Variants in CLDN19 observed in about 807,000 individuals in gnomAD.
CLDN19 encodes claudin 19, also known as claudin-19.
Under a neutral mutation model 24.5 loss-of-function variants are expected in CLDN19, and 19 were observed. That is an observed-to-expected ratio of 0.78 (90% CI 0.54 to 1.14). The LOEUF is 1.14. Ranked by LOEUF, CLDN19 falls within the 50% of genes most tolerant of loss-of-function variation. The pLI is 0.00. For synonymous variants in CLDN19, 117 were observed against 129.6 expected, an observed-to-expected ratio of 0.90 and a Z score of 0.66; for missense variants, 250 against 295.9, an observed-to-expected ratio of 0.84 and a Z score of 1.14.
intron 4 of CLDN19, chr1:42,735,416 GT>G: frequency 7.0e-7 from 1 of 1,421,834 alleles, no homozygotes; most frequent in South Asian, 1.5e-5. Context: ...CACTGCCCTT[GT>G]GGGGTTGCTG....
rs567823099 is a variant in CLDN19, at chr1:42,733,709, T to G, written c.*1377A>C. 27 of 152,434 alleles carry G rather than the reference T, an allele frequency of 1.8e-4. No homozygotes were observed. Among genetic ancestry groups the G allele is most frequent in the Middle Eastern group, 3.4e-3 (1 of 294 alleles). 9.4% of individuals were successfully genotyped at this position (152,434 alleles called of 1,614,324 possible). A position where few individuals can be genotyped will look rare whatever the true frequency, so the allele number is the denominator to read the frequency against. On this transcript the variant is annotated 3_prime_UTR_variant, in exon 5 of 5. Transcript: ENST00000296387. ...TATTTAGGGTCAGGTGGCCACATCC[T>G]CTGACCAGAGGCTGGACAAGTCCCT...
At chr1:42,737,597 G>A (rs1270349022) in intron 3 of CLDN19, among the ~76,000 whole-genome samples, 1 of 152,228 alleles carries the variant, frequency 6.6e-6, no homozygotes, top group East Asian at 1.9e-4. Flanking sequence ...TCAGGTTCTA[G>A]CTCCATTTCA....
chr1:42,735,482 G>A (rs1570442088), intron 4 of CLDN19: 6 of 1,412,172 alleles, frequency 4.2e-6, no homozygotes, highest in African/African-American at 1.4e-5. Flanking sequence ...CCAAGGACCT[G>A]GGTACTAAGG....
At chr1:42,735,754 C>A in intron 4 of CLDN19, 124 bp downstream of exon 4, 1 of 1,507,352 alleles carries the variant, frequency 6.6e-7, no homozygotes, top group South Asian at 1.2e-5. Flanking sequence ...ACAAGCTGCT[C>A]AGAGCACCTA....
In CLDN19 at chr1:42,735,944, G is replaced by C. The variant is rs531931336; in HGVS notation, c.560C>G (p.Pro187Arg). The C allele has an allele frequency of 1.9e-6, 3 of 1,577,854 alleles. No homozygotes were observed. Among genetic ancestry groups the C allele is most frequent in the Admixed American group, 1.9e-5 (1 of 53,950 alleles). Residue 187 changes from proline (P) to arginine (R), a missense_variant, in exon 4 of 5, where the codon CCG (proline) becomes CGG (arginine). Transcript: ENST00000296387. Reference protein sequence around the residue: ...LGGSFLCCTCPEPERPNSSPQ... With the variant: ...LGGSFLCCTCREPERPNSSPQ... ...GCTGCTGTTGGGTCTCTCTGGCTCC[G>C]GGCATGTGCAGCAGAGGAAGGAGCC...
intron 1 of CLDN19, 31 bp downstream of exon 1, chr1:42,739,810 C>T: frequency 6.3e-7 from 1 of 1,594,926 alleles, no homozygotes; most frequent in Non-Finnish European, 8.6e-7. Flanking sequence ...TTCCCACCTC[C>T]CATCTCCCAC....
At chr1:42,735,326 C>A in intron 4 of CLDN19, 192 bp from the exon 5 acceptor site, 7 of 1,471,084 alleles carry the variant, frequency 4.8e-6, no homozygotes, top group Non-Finnish European at 6.3e-6. Context: ...GTAGGTGGCC[C>A]CCAGCCCTGG....
chr1:42,735,206 G>A (rs1651319662), intron 4 of CLDN19, 72 bp from the exon 5 acceptor site: 1 of 1,602,742 alleles, frequency 6.2e-7, no homozygotes, highest in African/African-American at 1.3e-5. Flanking sequence ...TGTGCATTCA[G>A]GCCCGGACAT....
intron 3 of CLDN19, among the ~76,000 whole-genome samples, chr1:42,737,516 A>G (rs920961163): frequency 2.6e-5 from 4 of 152,214 alleles, no homozygotes; most frequent in African/African-American, 4.8e-5. Flanking sequence ...GGTACTGTCC[A>G]GGGCCCGGGC....
At chr1:42,739,770 G>C in intron 1 of CLDN19, 71 bp downstream of exon 1, 1 of 1,296,934 alleles carries the variant, frequency 7.7e-7, no homozygotes, top group Non-Finnish European at 1.1e-6. Flanking sequence ...AGCAGACTGT[G>C]AGGAAAACTT....
chr1:42,735,197 G>A (rs1651319288), intron 4 of CLDN19, 63 bp from the exon 5 acceptor site: 6 of 1,606,004 alleles, frequency 3.7e-6, no homozygotes, highest in African/African-American at 1.3e-5. Flanking sequence ...GGCAGGGGCT[G>A]TGCATTCAGG....
chr1:42,738,463 C>G lies in CLDN19; in HGVS notation c.346G>C (p.Gly116Arg). The change falls in exon 2 of 5, where the codon GGC becomes CGC. Residue 116 changes from glycine to arginine, a missense_variant. Gly to Arg is a moderately radical substitution (Grantham distance 125). Coordinates refer to ENST00000296387, the MANE Select transcript of CLDN19 (RefSeq NM_148960.3). The part of the protein sequence containing the change: ...RVGDSNPIAK[G>R]RVAIAGGALF... Reference sequence around the variant, plus strand: ...GCTCCCCCGGCGATGGCAACACGGCCCTTGGCAATGGGGTTGCTGTCTCCC... The same window carrying G: ...GCTCCCCCGGCGATGGCAACACGGCGCTTGGCAATGGGGTTGCTGTCTCCC... 6.2e-7 allele frequency: 1 copy of G among 1,614,038 alleles called. No homozygotes were observed. Among genetic ancestry groups the G allele is most frequent in the Non-Finnish European group, 8.5e-7 (1 of 1,180,036 alleles).
chr1:42,738,690 G>C, intron 1 of CLDN19, 105 bp from the exon 2 acceptor site: 1 of 1,136,604 alleles, frequency 8.8e-7, no homozygotes, highest in Admixed American at 2.0e-5. Flanking sequence ...TTGAGCAGGA[G>C]CTGGCCTGGG....
At chr1:42,736,986 C>A (rs1443493025) in intron 3 of CLDN19, among the ~76,000 whole-genome samples, 2 of 152,194 alleles carry the variant, frequency 1.3e-5, no homozygotes, top group Non-Finnish European at 2.9e-5. Flanking sequence ...ACCTCTGCCT[C>A]CTCCAGGCAT....
chr1:42,735,669 G>A, intron 4 of CLDN19: 6 of 1,441,016 alleles, frequency 4.2e-6, no homozygotes, highest in Non-Finnish European at 5.5e-6. Context: ...GTGTATGCCT[G>A]GGGGCTGGGT....
chr1:42,739,229 T>A (rs1570445816), intron 1 of CLDN19, among the ~76,000 whole-genome samples: 2 of 152,156 alleles, frequency 1.3e-5, no homozygotes, highest in East Asian at 3.9e-4. Flanking sequence ...AGATTGTCCC[T>A]GGGGGCTCCT....
Position 42,733,321 on chromosome 1 carries a change from A to C in CLDN19, c.*1765T>G, listed in dbSNP as rs1226086135. On this transcript the variant is annotated 3_prime_UTR_variant, in exon 5 of 5. Transcript: ENST00000296387. Reference sequence around the variant, plus strand: ...AACTCCTGACTTCAGGTATCTACCCACCTCGGCCTCCCAAAGTGCTGGGAT... The same window carrying C: ...AACTCCTGACTTCAGGTATCTACCCCCCTCGGCCTCCCAAAGTGCTGGGAT... The C allele has an allele frequency of 6.6e-6, 1 of 152,118 alleles. No individual in the cohort carries two copies. The highest frequency in any genetic ancestry group is 2.4e-5 in the African/African-American group (1 of 41,370). The allele number at this position is 152,118 out of a possible 1,614,324, so 9.4% of individuals were successfully genotyped here. A position where few individuals can be genotyped will look rare whatever the true frequency, so the allele number is the denominator to read the frequency against.
chr1:42,739,730 G>T, intron 1 of CLDN19, 111 bp downstream of exon 1: 1 of 881,844 alleles, frequency 1.1e-6, no homozygotes, highest in South Asian at 1.5e-5. Context: ...ATTGTAGAGC[G>T]GAGGCTGGAG....
At chr1:42,739,758 A>T in intron 1 of CLDN19, 83 bp downstream of exon 1, 3 of 1,154,808 alleles carry the variant, frequency 2.6e-6, no homozygotes, top group Admixed American at 1.9e-5. Flanking sequence ...CCCAGCGCAG[A>T]TAGCAGACTG....
Sources: allele counts gnomAD v4.1 joint callset (sites outside exome capture counted in the v4.1 genomes callset), GRCh38; gene constraint gnomAD v4.1.1; transcripts MANE v1.5; gene names NCBI Gene and HGNC (gene_info 2026-07-23, HGNC 2026-07-21).